The following AKAP19 variants were observed in gnomAD, a reference collection of about 807,000 sequenced individuals.
The protein encoded by AKAP19 is A-kinase anchoring protein 19, also known as small A-kinase anchoring protein.
the AKAP19 span, among the ~76,000 whole-genome samples, chr2:190,054,452 A>G: frequency 2.0e-5 from 3 of 152,182 alleles, no homozygotes; most frequent in African/African-American, 7.2e-5. Flanking sequence ...TGTCTAAAAC[A>G]CCAAAAGCAA....
At chr2:189,918,259 T>C in the AKAP19 span, among the ~76,000 whole-genome samples, 32 of 152,256 alleles carry the variant, frequency 2.1e-4, no homozygotes, top group African/African-American at 7.0e-4. Context: ...TTTTTACTTA[T>C]CATATTTCTT....
chr2:189,913,848 T>A, the AKAP19 span, among the ~76,000 whole-genome samples: 1 of 152,124 alleles, frequency 6.6e-6, no homozygotes, highest in Non-Finnish European at 1.5e-5. Flanking sequence ...TTAAAAATAA[T>A]CTTGAATTCA....
At chr2:189,913,552 C>T in the AKAP19 span, among the ~76,000 whole-genome samples, 2 of 152,042 alleles carry the variant, frequency 1.3e-5, no homozygotes, top group African/African-American at 4.8e-5. Context: ...GAAGTGATTA[C>T]TGATCATTTA....
the AKAP19 span, among the ~76,000 whole-genome samples, chr2:189,990,274 C>A: frequency 1.3e-5 from 2 of 152,110 alleles, no homozygotes; most frequent in Non-Finnish European, 2.9e-5. Context: ...TATAAATGCC[C>A]TTTATCAGAT....
the AKAP19 span, among the ~76,000 whole-genome samples, chr2:190,159,233 T>C: frequency 6.6e-6 from 1 of 152,152 alleles, no homozygotes; most frequent in African/African-American, 2.4e-5. Flanking sequence ...TCCCAGGCAC[T>C]TGGACCTGCC....
At chr2:190,140,310 G>C in the AKAP19 span, among the ~76,000 whole-genome samples, 1 of 152,174 alleles carries the variant, frequency 6.6e-6, no homozygotes, top group Admixed American at 6.5e-5. Context: ...GGGGTCTAGA[G>C]GACAGTGGTC....
the AKAP19 span, among the ~76,000 whole-genome samples, chr2:190,165,686 AGAG>A: frequency 6.6e-6 from 1 of 152,204 alleles, no homozygotes; most frequent in East Asian, 1.9e-4. Context: ...CATATGTCAG[AGAG>A]GAGTTCCAGG....
chr2:190,038,911 TTCTTCTTC>T, the AKAP19 span, among the ~76,000 whole-genome samples: 14 of 112,184 alleles, frequency 1.2e-4, no homozygotes, highest in African/African-American at 5.5e-4. Flanking sequence ...TTTCTTCTTC[TTCTTCTTC>T]TTCTTCTTCT....
At chr2:190,199,722 G>A in the AKAP19 span, 1 of 1,480,694 alleles carries the variant, frequency 6.8e-7, no homozygotes, top group Non-Finnish European at 8.9e-7. Flanking sequence ...GAAGAGTGGT[G>A]AAAGGGAACA....
At chr2:189,883,281 G>A in the AKAP19 span, among the ~76,000 whole-genome samples, 1 of 152,172 alleles carries the variant, frequency 6.6e-6, no homozygotes, top group African/African-American at 2.4e-5. Flanking sequence ...TCTATCTCAT[G>A]TATCAAAGTT....
chr2:189,908,213 TG>T, the AKAP19 span, among the ~76,000 whole-genome samples: 1 of 151,036 alleles, frequency 6.6e-6, no homozygotes, highest in African/African-American at 2.4e-5. Flanking sequence ...TTTTTTTTTT[TG>T]ACAGAGTTTC....
At chr2:189,949,425 T>G in the AKAP19 span, among the ~76,000 whole-genome samples, 1 of 151,138 alleles carries the variant, frequency 6.6e-6, no homozygotes, top group Non-Finnish European at 1.5e-5. Flanking sequence ...TAATCCAAGC[T>G]ACTCAGGAGG....
the AKAP19 span, among the ~76,000 whole-genome samples, chr2:189,937,044 G>A: frequency 6.6e-6 from 1 of 152,028 alleles, no homozygotes; most frequent in African/African-American, 2.4e-5. Flanking sequence ...CTGAGGCAGG[G>A]GTATGGTGTG....
At chr2:189,975,988 G>T in the AKAP19 span, among the ~76,000 whole-genome samples, 2 of 152,142 alleles carry the variant, frequency 1.3e-5, no homozygotes, top group Non-Finnish European at 2.9e-5. Flanking sequence ...CAACTAGTCA[G>T]TCATTCTCCG....
At chr2:189,899,814 C>G in the AKAP19 span, among the ~76,000 whole-genome samples, 1 of 147,048 alleles carries the variant, frequency 6.8e-6, no homozygotes, top group African/African-American at 2.5e-5. Flanking sequence ...TTACTTTTTA[C>G]CTACTATTTA....
chr2:189,926,982 C>A, the AKAP19 span, among the ~76,000 whole-genome samples: 1 of 152,082 alleles, frequency 6.6e-6, no homozygotes, highest in African/African-American at 2.4e-5. Context: ...CTCCTGGATT[C>A]AAGTGATCCT....
chr2:189,928,470 A>G, the AKAP19 span, among the ~76,000 whole-genome samples: 1 of 152,258 alleles, frequency 6.6e-6, no homozygotes, highest in East Asian at 1.9e-4. Flanking sequence ...TAAAAAAAGC[A>G]ATTATCACAG....
the AKAP19 span, among the ~76,000 whole-genome samples, chr2:190,081,513 T>G: frequency 1.6e-3 from 242 of 152,320 alleles, 1 homozygote; most frequent in Middle Eastern, 0.01. Context: ...GAGGCAAATA[T>G]TTAAGCATTA....
At chr2:190,044,108 G>C in the AKAP19 span, among the ~76,000 whole-genome samples, 1 of 152,174 alleles carries the variant, frequency 6.6e-6, no homozygotes, top group Non-Finnish European at 1.5e-5. Context: ...TGCTTTGAAA[G>C]TGTGGGTTCC....
Sources: gnomAD v4.1 joint callset for allele counts (sites outside exome capture counted in the v4.1 genomes callset) on GRCh38, gnomAD v4.1.1 for gene constraint, MANE v1.5 for transcripts, NCBI Gene and HGNC (gene_info 2026-07-23, HGNC 2026-07-21) for gene names.